The following COX7B2 variants were observed in gnomAD, a reference collection of about 807,000 sequenced individuals.
The protein encoded by COX7B2 is cytochrome c oxidase subunit 7B2, mitochondrial.
For missense variants in COX7B2, 109 were observed against 95.9 expected, an observed-to-expected ratio of 1.14 and a Z score of -0.57; for synonymous variants, 37 against 32.1, an observed-to-expected ratio of 1.15 and a Z score of -0.51.
intron 1 of COX7B2, among the ~76,000 whole-genome samples, chr4:46,881,378 G>C (rs1005202426): frequency 6.6e-6 from 1 of 152,154 alleles, no homozygotes; most frequent in Non-Finnish European, 1.5e-5. Context: ...ATACACAAAT[G>C]GTTACATTCT....
chr4:46,829,643 G>A (rs1714932903), intron 2 of COX7B2, among the ~76,000 whole-genome samples: 1 of 152,084 alleles, frequency 6.6e-6, no homozygotes, highest in South Asian at 2.1e-4. Flanking sequence ...TTAAAGAAGG[G>A]GATCAGAGAA....
chr4:46,774,693 C>T (rs1355422039), intron 2 of COX7B2, among the ~76,000 whole-genome samples: 1 of 151,860 alleles, frequency 6.6e-6, no homozygotes, highest in Non-Finnish European at 1.5e-5. Context: ...TTACTCTTCT[C>T]TCATATCCCT....
chr4:46,839,910 T>A (rs1380684665), intron 2 of COX7B2, among the ~76,000 whole-genome samples: 1 of 152,042 alleles, frequency 6.6e-6, no homozygotes, highest in Non-Finnish European at 1.5e-5. Context: ...GGTGAGAAAC[T>A]TATACCATTA....
chr4:46,857,726 G>C (rs956735282), intron 1 of COX7B2, among the ~76,000 whole-genome samples: 3 of 152,164 alleles, frequency 2.0e-5, no homozygotes, highest in African/African-American at 7.2e-5. Context: ...AGCTACAGAA[G>C]TAAAAACAGA....
At chr4:46,811,163 G>A (rs1283659098) in intron 2 of COX7B2, among the ~76,000 whole-genome samples, 1 of 152,074 alleles carries the variant, frequency 6.6e-6, no homozygotes, top group Non-Finnish European at 1.5e-5. Flanking sequence ...GGAAATCTCT[G>A]AGCTTCATGG....
chr4:46,864,083 C>A (rs1123700), intron 1 of COX7B2, among the ~76,000 whole-genome samples: 56,908 of 151,864 alleles, frequency 0.37, 10,802 homozygotes, highest in South Asian at 0.49. Context: ...CCCTTTCCAA[C>A]AAGGGAAATA....
intron 1 of COX7B2, among the ~76,000 whole-genome samples, chr4:46,873,333 A>T (rs1406935259): frequency 6.6e-6 from 1 of 152,182 alleles, no homozygotes; most frequent in Non-Finnish European, 1.5e-5. Flanking sequence ...CTGTGGGTAT[A>T]TACCCAGTAA....
Position 46,881,701 on chromosome 4 carries a change from G to A in COX7B2, c.-105+27459C>T, listed in dbSNP as rs116685906. Reference sequence around the variant, plus strand: ...CACACCACTGCACTCCAGCCTGGGCGATAGATCCATCTCAAATAATAATAA... The same window carrying A: ...CACACCACTGCACTCCAGCCTGGGCAATAGATCCATCTCAAATAATAATAA... On this transcript the variant is annotated intron_variant, in intron 1 of 2. Coordinates refer to ENST00000355591, the MANE Select transcript of COX7B2 (RefSeq NM_130902.3). Among the ~76,000 whole-genome samples the A allele has an allele frequency of 1.2e-3, 189 of 152,184 alleles. No individual in the cohort carries two copies. In the Middle Eastern group the frequency reaches 0.014, roughly 11 times the overall value.
intron 1 of COX7B2, among the ~76,000 whole-genome samples, chr4:46,907,848 C>CATTTTTTTTTTTTTT (rs1720493464): frequency 1.7e-5 from 1 of 59,730 alleles, no homozygotes; most frequent in Non-Finnish European, 3.1e-5. Flanking sequence ...TTTGAGCAGA[C>CATTTTTTTTTTTTTT]TTTTTTTTTT....
At chr4:46,821,514 T>C (rs1307643848) in intron 2 of COX7B2, among the ~76,000 whole-genome samples, 3 of 152,208 alleles carry the variant, frequency 2.0e-5, no homozygotes, top group Non-Finnish European at 4.4e-5. Context: ...AGATACAGAA[T>C]GTGACAGAAC....
chr4:46,855,929 T>G (rs1229139075), intron 1 of COX7B2, among the ~76,000 whole-genome samples: 1 of 152,116 alleles, frequency 6.6e-6, no homozygotes, highest in Non-Finnish European at 1.5e-5. Context: ...TCTTTAATAA[T>G]AAGACAAATT....
intron 1 of COX7B2, among the ~76,000 whole-genome samples, chr4:46,870,821 T>TAC (rs1717945449): frequency 6.6e-6 from 1 of 151,906 alleles, no homozygotes; most frequent in East Asian, 1.9e-4. Flanking sequence ...CCAAAGCACT[T>TAC]GTAATTGAAT....
At chr4:46,803,728 CTTTCTTTTTT>C (rs1345329872) in intron 2 of COX7B2, among the ~76,000 whole-genome samples, 18 of 124,820 alleles carry the variant, frequency 1.4e-4, no homozygotes, top group African/African-American at 5.5e-4. Flanking sequence ...GCCTGGTTTA[CTTTCTTTTTT>C]TTTTTTTTTT....
At chr4:46,737,177 C>T (rs745888041) in intron 2 of COX7B2, among the ~76,000 whole-genome samples, 2 of 152,104 alleles carry the variant, frequency 1.3e-5, no homozygotes, top group African/African-American at 2.4e-5. Flanking sequence ...ATTTGCAGTT[C>T]CCTGATGACA....
intron 2 of COX7B2, among the ~76,000 whole-genome samples, chr4:46,742,559 T>C (rs1200114663): frequency 6.6e-6 from 1 of 152,140 alleles, no homozygotes; most frequent in Non-Finnish European, 1.5e-5. Flanking sequence ...GGTTCTATTT[T>C]ATATGTAATG....
intron 1 of COX7B2, among the ~76,000 whole-genome samples, chr4:46,859,435 C>A (rs147026578): frequency 6.6e-6 from 1 of 152,164 alleles, no homozygotes; most frequent in African/African-American, 2.4e-5. Flanking sequence ...GATGAAGGAG[C>A]TTTCACATCT....
chr4:46,819,709 A>G (rs1247803570), intron 2 of COX7B2, among the ~76,000 whole-genome samples: 1 of 152,198 alleles, frequency 6.6e-6, no homozygotes, highest in African/African-American at 2.4e-5. Context: ...TTAAAGTAAA[A>G]CAGTATATAA....
At chr4:46,847,741 A>C (rs1716387063) in intron 1 of COX7B2, among the ~76,000 whole-genome samples, 1 of 152,034 alleles carries the variant, frequency 6.6e-6, no homozygotes, top group Admixed American at 6.6e-5. Flanking sequence ...TAAGAGGAAA[A>C]CCAAGAGAAA....
chr4:46,849,791 C>G (rs531385177), intron 1 of COX7B2, among the ~76,000 whole-genome samples: 2 of 152,118 alleles, frequency 1.3e-5, no homozygotes, highest in Admixed American at 6.6e-5. Flanking sequence ...CACCCAGTAA[C>G]TCGTCATTTA....
Sources: allele counts gnomAD v4.1 joint callset (sites outside exome capture counted in the v4.1 genomes callset), GRCh38; gene constraint gnomAD v4.1.1; transcripts MANE v1.5; gene names NCBI Gene and HGNC (gene_info 2026-07-23, HGNC 2026-07-21).